The following PALS2 variants were observed in gnomAD, a reference collection of about 807,000 sequenced individuals.
The protein encoded by PALS2 is protein associated with LIN7 2, MAGUK p55 family member.
In PALS2, 27 loss-of-function variants were observed where a neutral mutation model predicts 61.6. That is an observed-to-expected ratio of 0.44 (90% confidence interval 0.32 to 0.60). PALS2 has a LOEUF of 0.60. Among genes scored for constraint, PALS2 ranks in the 20% least tolerant of loss-of-function variants. The pLI is 0.05. For synonymous variants in PALS2, 236 were observed against 218.6 expected, an observed-to-expected ratio of 1.08 and a Z score of -0.70; for missense variants, 554 against 639.4, an observed-to-expected ratio of 0.87 and a Z score of 1.44.
At chr7:24,681,868 T>A (rs1425790256) in intron 11 of PALS2, among the ~76,000 whole-genome samples, 1 of 152,234 alleles carries the variant, frequency 6.6e-6, no homozygotes, top group Non-Finnish European at 1.5e-5. Context: ...GTATTAGTTT[T>A]CTTTGTTCTT....
chr7:24,579,639 TCA>T (rs960393263), intron 1 of PALS2, among the ~76,000 whole-genome samples: 4 of 152,166 alleles, frequency 2.6e-5, no homozygotes, highest in African/African-American at 9.7e-5. Flanking sequence ...TTTGTATCCT[TCA>T]CACAGCCCAG....
chr7:24,583,549 A>G (rs1782930800), intron 1 of PALS2, among the ~76,000 whole-genome samples: 3 of 152,020 alleles, frequency 2.0e-5, no homozygotes, highest in African/African-American at 7.2e-5. Flanking sequence ...CACGACTTTC[A>G]ATAAGGTCCC....
At chr7:24,583,687 T>C (rs959812436) in intron 1 of PALS2, among the ~76,000 whole-genome samples, 5 of 149,720 alleles carry the variant, frequency 3.3e-5, no homozygotes, top group African/African-American at 1.2e-4. Flanking sequence ...ATACTTTAAG[T>C]TTTAGGGTAC....
At chr7:24,679,468 G>A in intron 10 of PALS2, 135 bp downstream of exon 10, 2 of 771,598 alleles carry the variant, frequency 2.6e-6, no homozygotes, top group East Asian at 2.7e-5. Flanking sequence ...ACCTTTGGGT[G>A]ATAGAGAATG....
rs979140670 is a variant in PALS2 at position 24,691,599 on chromosome 7, C to T, written c.*3985C>T. 1 of 151,410 alleles carries T rather than the reference C, an allele frequency of 6.6e-6. No individual in the cohort carries two copies. Among genetic ancestry groups the T allele is most frequent in the African/African-American group, 2.4e-5 (1 of 41,292 alleles). The allele number at this position is 151,410 out of a possible 1,614,324, so 9.4% of individuals were successfully genotyped here. On this transcript the variant is annotated 3_prime_UTR_variant, in exon 12 of 12. Coordinates refer to ENST00000222644, the MANE Select transcript of PALS2 (RefSeq NM_001303037.2). Reference sequence around the variant, plus strand: ...TTTTTTTAGATTGTTTTAAAACGCTCTGGTTCCACCTTGAAGCTGATAATC... The same window carrying T: ...TTTTTTTAGATTGTTTTAAAACGCTTTGGTTCCACCTTGAAGCTGATAATC...
At position 24,650,562 on chromosome 7, in the gene PALS2, T is replaced by A. The variant is rs757717999; in HGVS notation, c.501T>A (p.Gly167=). The stretch of plus-strand genomic sequence containing the variant: ...ATGGGGGAATGATAGATCGACAAGG[T>A]CTACTTCATGTGGGAGATATAATTA... ...ILHGGMIDRQ[G]LLHVGDIIKE... is the part of the protein sequence containing the mutation. The change falls in exon 5 of 12, where the codon GGT becomes GGA. Residue 167 remains glycine (G), a synonymous_variant. Coordinates refer to ENST00000222644, the MANE Select transcript of PALS2 (RefSeq NM_001303037.2). The A allele has an allele frequency of 1.2e-6, 2 of 1,613,626 alleles. No homozygotes were observed. Among genetic ancestry groups the A allele is most frequent in the Admixed American group, 3.3e-5 (2 of 59,996 alleles).
chr7:24,615,240 A>G (rs1456307390), intron 1 of PALS2, among the ~76,000 whole-genome samples: 1 of 151,994 alleles, frequency 6.6e-6, no homozygotes, highest in Non-Finnish European at 1.5e-5. Context: ...TAGAAAAACA[A>G]GAACAAACCA....
intron 1 of PALS2, among the ~76,000 whole-genome samples, chr7:24,585,106 A>G (rs1190735346): frequency 2.0e-5 from 3 of 152,136 alleles, no homozygotes; most frequent in African/African-American, 7.2e-5. Flanking sequence ...TGATGCCTCC[A>G]GCTTTGTTCT....
At chr7:24,622,807 T>C (rs1004456073) in intron 1 of PALS2, among the ~76,000 whole-genome samples, 1 of 151,740 alleles carries the variant, frequency 6.6e-6, no homozygotes, top group Non-Finnish European at 1.5e-5. Flanking sequence ...AAGTATGATA[T>C]TAGCTGTGGG....
chr7:24,623,161 G>A (rs1246787526), intron 1 of PALS2, among the ~76,000 whole-genome samples: 1 of 149,312 alleles, frequency 6.7e-6, no homozygotes, highest in African/African-American at 2.5e-5. Flanking sequence ...AGGGTAATTG[G>A]TCTCATAGAA....
rs1024193673 is a variant in PALS2 at position 24,688,830 on chromosome 7, T to C, written c.*1216T>C. On this transcript the variant is annotated 3_prime_UTR_variant, in exon 12 of 12. Transcript: ENST00000222644. ...TACTTTGTTTTTTTGTTTGTTTGTT[T>C]TGAGATGGAGTCTCTCTCTGTCACC... is the stretch of plus-strand genomic sequence containing the variant. The C allele has an allele frequency of 2.0e-5, 3 of 152,020 alleles. No individual in the cohort carries two copies. The highest frequency in any genetic ancestry group is 2.1e-4 in the South Asian group (1 of 4,820). The allele number at this position is 152,020 out of a possible 1,614,324, so 9.4% of individuals were successfully genotyped here. A position where few individuals can be genotyped will look rare whatever the true frequency, so the allele number is the denominator to read the frequency against.
chr7:24,622,269 C>T (rs1784551499), intron 1 of PALS2, among the ~76,000 whole-genome samples: 2 of 151,938 alleles, frequency 1.3e-5, no homozygotes, highest in Admixed American at 1.3e-4. Context: ...GGAATTGTTG[C>T]CATTTTAATA....
intron 6 of PALS2, among the ~76,000 whole-genome samples, chr7:24,664,089 T>C (rs552775827): frequency 2.0e-5 from 3 of 152,188 alleles, no homozygotes; most frequent in Non-Finnish European, 4.4e-5. Flanking sequence ...ACTTTTACTG[T>C]GAAATAAGTG....
At chr7:24,583,214 C>G (rs1458414553) in intron 1 of PALS2, among the ~76,000 whole-genome samples, 1 of 151,852 alleles carries the variant, frequency 6.6e-6, no homozygotes, top group African/African-American at 2.4e-5. Context: ...TTATACAAAT[C>G]AATTTAAATG....
At position 24,687,841 on chromosome 7, in the gene PALS2, T is replaced by C. The variant is rs1455796234; in HGVS notation, c.*227T>C. 1.7e-5 allele frequency: 6 copies of C among 361,486 alleles called. No individual in the cohort carries two copies. Among genetic ancestry groups the C allele is most frequent in the Non-Finnish European group, 2.9e-5 (6 of 206,676 alleles). The allele number at this position is 361,486 out of a possible 1,614,324, so 22.4% of individuals were successfully genotyped here. A position where few individuals can be genotyped will look rare whatever the true frequency, so the allele number is the denominator to read the frequency against. On this transcript the variant is annotated 3_prime_UTR_variant, in exon 12 of 12. Transcript: ENST00000222644. This position sits in a 1 kb window ranked among gnomAD's most constrained non-coding sequence, Gnocchi z 4.5. ...AATTTTTCTAACTTTGTATGGATAA[T>C]CTTTCTATTCATATCACATAAAGAA...
intron 1 of PALS2, among the ~76,000 whole-genome samples, chr7:24,603,776 C>T (rs747954092): frequency 4.6e-5 from 7 of 152,000 alleles, no homozygotes; most frequent in Admixed American, 2.0e-4. Flanking sequence ...AAACGGATGT[C>T]CTGACAGCAT....
At chr7:24,591,075 T>C (rs536120564) in intron 1 of PALS2, among the ~76,000 whole-genome samples, 47 of 152,212 alleles carry the variant, frequency 3.1e-4, no homozygotes, top group African/African-American at 1.1e-3. Context: ...TTATTCTTTT[T>C]TAAAATTACA....
At chr7:24,594,947 G>T (rs1005914141) in intron 1 of PALS2, among the ~76,000 whole-genome samples, 6 of 152,048 alleles carry the variant, frequency 3.9e-5, no homozygotes, top group Non-Finnish European at 2.9e-5. Context: ...TTGGAAAAAT[G>T]GCTTCAATAG....
chr7:24,666,180 G>T, intron 8 of PALS2, 91 bp downstream of exon 8: 1 of 1,132,788 alleles, frequency 8.8e-7, no homozygotes, highest in East Asian at 2.4e-5. Context: ...CTTTAAGTGA[G>T]TGTAATTCAG....
Sources: gnomAD v4.1 joint callset for allele counts (sites outside exome capture counted in the v4.1 genomes callset) on GRCh38, gnomAD v4.1.1 for gene constraint, Gnocchi (gnomAD v3.1) non-coding constraint, MANE v1.5 for transcripts, NCBI Gene and HGNC (gene_info 2026-07-23, HGNC 2026-07-21) for gene names.